Variants in HAUS7 observed in about 807,000 individuals in gnomAD.
HAUS7 encodes the protein HAUS augmin like complex subunit 7, also known as HAUS augmin-like complex subunit 7.
In HAUS7, 3 loss-of-function variants were observed where a neutral mutation model predicts 28.4. The ratio of observed to expected loss-of-function variants is 0.11; its 90% CI spans 0.05 to 0.27. HAUS7 has a LOEUF of 0.27. HAUS7 is among the 10% of genes least tolerant of loss of function. The pLI, the probability that HAUS7 is intolerant of heterozygous loss-of-function variation, is 1.00. For missense variants in HAUS7, 284 were observed against 297.3 expected, an observed-to-expected ratio of 0.96 and a Z score of 0.33; for synonymous variants, 165 against 132.1, an observed-to-expected ratio of 1.25 and a Z score of -1.71.
Position 153,464,996 on chromosome X carries a change from T to C in HAUS7, c.284A>G (p.Lys95Arg). 1 of 1,189,456 alleles carries C rather than the reference T, an allele frequency of 8.4e-7. No individual in the cohort carries two copies. Among genetic ancestry groups the C allele is most frequent in the Non-Finnish European group, 1.1e-6 (1 of 875,029 alleles). ...SSLKGVPTEV[K>R]IQEMTKLGHE... ...ACCAAGATTCCACCTACCTTGGATCTTCACCTCTGTTGGGACCCCTTTCAG... is the reference window on the plus strand; with the variant it reads ...ACCAAGATTCCACCTACCTTGGATCCTCACCTCTGTTGGGACCCCTTTCAG... The change falls in exon 3 of 10, where the codon AAG becomes AGG. Residue 95 changes from lysine to arginine, a missense_variant. Transcript: ENST00000370211.
chrX:153,457,166 G>T lies in HAUS7; in HGVS notation c.417C>A (p.Ser139Arg), dbSNP rs781836907. The change falls in exon 5 of 10, where the codon AGC (serine) becomes AGA (arginine). Residue 139 changes from serine (S) to arginine (R), a missense_variant. By Grantham distance (110) the Ser-to-Arg change is moderately radical. Transcript: ENST00000370211. The stretch of plus-strand genomic sequence containing the variant: ...AGCAACTGGAGCACCCAATGGTCAG[G>T]CTCCGGATGGTATCGAGCAACTGGT... ...FMDQLLDTIR[S>R]LTIGCSSCSS... 1 of 1,202,152 alleles carries T rather than the reference G, an allele frequency of 8.3e-7. No individual in the cohort carries two copies. The highest frequency in any genetic ancestry group is 1.8e-5 in the South Asian group (1 of 56,838).
At chrX:153,457,689 G>A (rs2089333347) in intron 4 of HAUS7, among the ~76,000 whole-genome samples, 1 of 113,172 alleles carries the variant, frequency 8.8e-6, no homozygotes, top group Non-Finnish European at 1.9e-5. Context: ...CCAGGGGACT[G>A]GCGTTCCAGC....
At chrX:153,481,039 G>C in intron 1 of HAUS7, 1 of 742,889 alleles carries the variant, frequency 1.3e-6, no homozygotes, top group Non-Finnish European at 1.6e-6. Context: ...GCCTTCAGGT[G>C]GGGCCTGGGG....
intron 4 of HAUS7, among the ~76,000 whole-genome samples, chrX:153,461,197 T>C (rs1419143800): frequency 8.9e-6 from 1 of 112,313 alleles, no homozygotes; most frequent in Non-Finnish European, 1.9e-5. Context: ...CAAATATAAA[T>C]TGTGTGGAGA....
chrX:153,486,203 C>T (rs1399061596), intron 1 of HAUS7: 3 of 569,182 alleles, frequency 5.3e-6, no homozygotes, highest in Non-Finnish European at 4.7e-6. Flanking sequence ...TGCCTTCTGG[C>T]TGGGCTAGGA....
chrX:153,478,882 G>A (rs907800139), intron 1 of HAUS7, among the ~76,000 whole-genome samples: 1 of 112,572 alleles, frequency 8.9e-6, no homozygotes, highest in Non-Finnish European at 1.9e-5. Context: ...TGGCCGACCC[G>A]CTCTGTGGTG....
intron 8 of HAUS7, 196 bp from the exon 9 acceptor site, chrX:153,454,704 TA>T: frequency 2.1e-6 from 1 of 479,638 alleles, no homozygotes; most frequent in Non-Finnish European, 3.6e-6. Context: ...TTCTCGGACC[TA>T]AGTCCCCTCT....
At chrX:153,458,850 T>A (rs1357352059) in intron 4 of HAUS7, among the ~76,000 whole-genome samples, 2 of 112,061 alleles carry the variant, frequency 1.8e-5, no homozygotes, top group Non-Finnish European at 3.8e-5. Flanking sequence ...CTTGAACTCC[T>A]GGGCTCTATG....
chrX:153,492,737 C>A (rs1461939885), intron 1 of HAUS7, among the ~76,000 whole-genome samples: 2 of 111,246 alleles, frequency 1.8e-5, no homozygotes, highest in Non-Finnish European at 3.8e-5. Context: ...CCCACACCCC[C>A]CCGCACGTGT....
At chrX:153,463,532 C>G (rs1206995893) in intron 3 of HAUS7, among the ~76,000 whole-genome samples, 1 of 112,601 alleles carries the variant, frequency 8.9e-6, no homozygotes, top group Non-Finnish European at 1.9e-5. Flanking sequence ...ACACCGCTCT[C>G]CCTGCCTCTT....
upstream of HAUS7, among the ~76,000 whole-genome samples, chrX:153,473,307 G>A (rs1456152632): frequency 4.4e-5 from 5 of 112,821 alleles, no homozygotes; most frequent in Admixed American, 9.2e-5. Context: ...CTGCAGAGGC[G>A]GGTCTGCTTC....
chrX:153,450,492 C>T (rs1556980880), intron 9 of HAUS7, among the ~76,000 whole-genome samples: 1 of 112,523 alleles, frequency 8.9e-6, no homozygotes, highest in Non-Finnish European at 1.9e-5. Flanking sequence ...TGCCACCTTC[C>T]CCGCCCGCTG....
At chrX:153,480,323 G>A (rs1260111570) in intron 1 of HAUS7, among the ~76,000 whole-genome samples, 2 of 110,601 alleles carry the variant, frequency 1.8e-5, no homozygotes, top group South Asian at 3.9e-4. Context: ...GGCCTAGAGC[G>A]CCACCCACCC....
At chrX:153,461,001 A>T (rs1311590415) in intron 4 of HAUS7, among the ~76,000 whole-genome samples, 1 of 112,229 alleles carries the variant, frequency 8.9e-6, no homozygotes, top group African/African-American at 3.2e-5. Flanking sequence ...GATCTTGGTG[A>T]GCCCAGCAAA....
chrX:153,494,750 GGTGGTGGGGGCGA>G, intron 1 of HAUS7, among the ~76,000 whole-genome samples: 1 of 83,958 alleles, frequency 1.2e-5, no homozygotes, highest in South Asian at 5.2e-4. Context: ...GGGGGGGGGA[GGTGGTGGGGGCGA>G]GGGGGCGGGG....
chrX:153,455,495 T>C (rs1048670086), intron 8 of HAUS7, 47 bp downstream of exon 8: 27 of 849,390 alleles, frequency 3.2e-5, no homozygotes, highest in Non-Finnish European at 4.7e-5. Flanking sequence ...TCAGTCTGAG[T>C]GAACAGGGGA....
intron 2 of HAUS7, 46 bp downstream of exon 2, chrX:153,469,100 G>A (rs1191087544): frequency 3.0e-5 from 22 of 739,955 alleles, no homozygotes; most frequent in South Asian, 4.4e-5. Flanking sequence ...GCTGGCTGGC[G>A]CCCATGCACA....
At chrX:153,456,117 C>T in intron 7 of HAUS7, 148 bp downstream of exon 7, 3 of 485,574 alleles carry the variant, frequency 6.2e-6, no homozygotes, top group Non-Finnish European at 1.1e-5. Flanking sequence ...ACCCACCTCT[C>T]ACCTCCCCGC....
intron 1 of HAUS7, chrX:153,480,481 A>G (rs2089592763): frequency 3.8e-6 from 2 of 528,717 alleles, no homozygotes; most frequent in Non-Finnish European, 4.6e-6. Flanking sequence ...GGGCGGGGGG[A>G]GGCCTGGGTA....
Sources: gnomAD v4.1 joint callset for allele counts (sites outside exome capture counted in the v4.1 genomes callset) on GRCh38, gnomAD v4.1.1 for gene constraint, MANE v1.5 for transcripts, NCBI Gene and HGNC (gene_info 2026-07-23, HGNC 2026-07-21) for gene names.